PRKG1: variants seen among roughly 807,000 people sequenced by gnomAD.
The protein encoded by PRKG1 is cGMP-dependent protein kinase 1.
PRKG1 carries 35 observed loss-of-function variants against 88.1 expected under a neutral mutation model. That is an observed-to-expected ratio of 0.40 (90% CI 0.30 to 0.53). The LOEUF (loss-of-function observed/expected upper bound fraction) is 0.53. PRKG1 is among the 20% of genes least tolerant of loss of function. The pLI, the probability that PRKG1 is intolerant of heterozygous loss-of-function variation, is 0.59. For missense variants in PRKG1, 540 were observed against 839.8 expected (o/e 0.64, Z 4.41); for synonymous variants, 303 against 292.5 (o/e 1.04, Z -0.37).
intron 3 of PRKG1, among the ~76,000 whole-genome samples, chr10:51,654,590 C>T (rs1052340352): frequency 1.3e-5 from 2 of 152,022 alleles, no homozygotes; most frequent in Admixed American, 1.3e-4. Flanking sequence ...ACTCAGGAGG[C>T]TGCTTATTAA....
chr10:51,418,072 A>G (rs1385456051), intron 2 of PRKG1, among the ~76,000 whole-genome samples: 1 of 152,178 alleles, frequency 6.6e-6, no homozygotes, highest in Non-Finnish European at 1.5e-5. Context: ...TTATTCTTCT[A>G]TGCTTTCCTT....
At chr10:51,692,620 T>G (rs1446933990) in intron 3 of PRKG1, among the ~76,000 whole-genome samples, 1 of 152,154 alleles carries the variant, frequency 6.6e-6, no homozygotes, top group Non-Finnish European at 1.5e-5. Flanking sequence ...TTAAAGAATG[T>G]GTACATCGCC....
At chr10:51,202,720 T>C (rs964135802) in intron 2 of PRKG1, among the ~76,000 whole-genome samples, 1 of 152,120 alleles carries the variant, frequency 6.6e-6, no homozygotes, top group Admixed American at 6.5e-5. Flanking sequence ...ATCCTTGAAG[T>C]AAGATGATTT....
chr10:51,794,783 A>G (rs976469810), intron 3 of PRKG1, among the ~76,000 whole-genome samples: 21 of 152,084 alleles, frequency 1.4e-4, no homozygotes, highest in African/African-American at 4.6e-4. Flanking sequence ...AAAAAAAAAT[A>G]GAAAGTAAAA....
chr10:52,189,087 G>T (rs1274067734), intron 9 of PRKG1, among the ~76,000 whole-genome samples: 2 of 152,130 alleles, frequency 1.3e-5, no homozygotes, highest in Non-Finnish European at 2.9e-5. Flanking sequence ...ATCTATATCA[G>T]TCTAAGAGTT....
chr10:51,058,151 C>T (rs983134602), intron 1 of PRKG1, among the ~76,000 whole-genome samples: 8 of 152,044 alleles, frequency 5.3e-5, no homozygotes, highest in East Asian at 1.9e-4. Context: ...CCTTCTTTTA[C>T]GAAATGCCTG....
At chr10:51,514,993 G>A (rs907226944) in intron 3 of PRKG1, among the ~76,000 whole-genome samples, 1 of 152,116 alleles carries the variant, frequency 6.6e-6, no homozygotes, top group Non-Finnish European at 1.5e-5. Context: ...CCCAACAGAT[G>A]TCAGTAGTAT....
intron 5 of PRKG1, among the ~76,000 whole-genome samples, chr10:51,936,588 A>G (rs1160088729): frequency 6.6e-6 from 1 of 151,920 alleles, no homozygotes; most frequent in African/African-American, 2.4e-5. Flanking sequence ...AAAATCTCCC[A>G]TTTCTTGCAT....
At chr10:52,005,720 T>C (rs1261550316) in intron 5 of PRKG1, among the ~76,000 whole-genome samples, 1 of 152,176 alleles carries the variant, frequency 6.6e-6, no homozygotes, top group Non-Finnish European at 1.5e-5. Context: ...TCTGTTGCTC[T>C]AGAAACATCC....
intron 3 of PRKG1, among the ~76,000 whole-genome samples, chr10:51,534,683 G>C (rs199737149): frequency 5.9e-5 from 4 of 68,018 alleles, no homozygotes; most frequent in African/African-American, 1.9e-4. Context: ...AAAAAAAAAA[G>C]AAAGAAAGAA....
intron 3 of PRKG1, among the ~76,000 whole-genome samples, chr10:51,475,349 T>C (rs1840160881): frequency 6.6e-6 from 1 of 151,954 alleles, no homozygotes; most frequent in Non-Finnish European, 1.5e-5. Context: ...GCCCCTGCTC[T>C]ACTGAAAGGA....
At chr10:51,523,555 T>G (rs1240176458) in intron 3 of PRKG1, among the ~76,000 whole-genome samples, 1 of 152,188 alleles carries the variant, frequency 6.6e-6, no homozygotes, top group East Asian at 1.9e-4. Flanking sequence ...ACAAATTTTC[T>G]CCATAATTAG....
intron 5 of PRKG1, among the ~76,000 whole-genome samples, chr10:51,924,997 G>GT (rs1842542789): frequency 6.6e-6 from 1 of 150,434 alleles, no homozygotes; most frequent in South Asian, 2.1e-4. Context: ...TTCATAGTTA[G>GT]TTTAAATTCC....
intron 7 of PRKG1, among the ~76,000 whole-genome samples, chr10:52,094,226 C>T (rs549034570): frequency 6.6e-6 from 1 of 152,214 alleles, no homozygotes; most frequent in East Asian, 1.9e-4. Flanking sequence ...ATTTGAAATT[C>T]ACCTAGATCT....
intron 3 of PRKG1, among the ~76,000 whole-genome samples, chr10:51,661,352 A>G (rs556124175): frequency 6.6e-6 from 1 of 152,192 alleles, no homozygotes; most frequent in East Asian, 1.9e-4. Context: ...CCCCTTTTTA[A>G]TACATTGGAG....
chr10:52,291,705 A>G (rs1376220434), intron 17 of PRKG1, among the ~76,000 whole-genome samples: 1 of 152,036 alleles, frequency 6.6e-6, no homozygotes, highest in Non-Finnish European at 1.5e-5. Context: ...TAGTGCCGCA[A>G]TAAACATACG....
intron 3 of PRKG1, among the ~76,000 whole-genome samples, chr10:51,510,986 T>C (rs1269636573): frequency 6.6e-6 from 1 of 151,568 alleles, no homozygotes; most frequent in Non-Finnish European, 1.5e-5. Flanking sequence ...ACTTTTGACC[T>C]TGTGATCCGC....
At chr10:52,137,093 T>G (rs1215825869) in intron 8 of PRKG1, among the ~76,000 whole-genome samples, 1 of 152,068 alleles carries the variant, frequency 6.6e-6, no homozygotes, top group East Asian at 1.9e-4. Context: ...TGCAAACAGA[T>G]GGCAGACATT....
At chr10:51,999,737 G>T (rs1338275260) in intron 5 of PRKG1, among the ~76,000 whole-genome samples, 3 of 151,860 alleles carry the variant, frequency 2.0e-5, no homozygotes, top group Non-Finnish European at 2.9e-5. Flanking sequence ...ATAATTTAAA[G>T]AATTAAATTT....
Sources: gnomAD v4.1 joint callset for allele counts (sites outside exome capture counted in the v4.1 genomes callset) on GRCh38, gnomAD v4.1.1 for gene constraint, MANE v1.5 for transcripts, NCBI Gene and HGNC (gene_info 2026-07-23, HGNC 2026-07-21) for gene names.